Variants in ALMS1 observed in about 807,000 individuals in gnomAD.
ALMS1 encodes the protein ALMS1 centrosome and basal body associated protein.
A neutral mutation model predicts 352.2 loss-of-function variants in ALMS1; 271 were observed. The observed-to-expected ratio is 0.77, with a 90% CI of 0.70 to 0.85. ALMS1 has a LOEUF of 0.85. ALMS1 is among the 40% of genes least tolerant of loss of function. The pLI, the probability that ALMS1 is intolerant of heterozygous loss-of-function variation, is 0.00. For synonymous variants in ALMS1, 1,865 were observed against 1,761.2 expected (o/e 1.06, Z -1.48); for missense variants, 5,445 against 4,870.7 (o/e 1.12, Z -3.51).
chr2:73,607,956 C>G (rs1368218225), intron 21 of ALMS1, among the ~76,000 whole-genome samples: 2 of 152,028 alleles, frequency 1.3e-5, no homozygotes, highest in African/African-American at 4.8e-5. Flanking sequence ...GCCACTGCAC[C>G]CAGCGCTCCT....
intron 6 of ALMS1, among the ~76,000 whole-genome samples, chr2:73,428,395 C>T (rs1305896776): frequency 2.0e-5 from 3 of 151,924 alleles, no homozygotes; most frequent in South Asian, 4.2e-4. Context: ...TTTAACTATT[C>T]TTGGTGAAAC....
chr2:73,529,131 C>T (rs1673855843), intron 11 of ALMS1, among the ~76,000 whole-genome samples: 1 of 148,868 alleles, frequency 6.7e-6, no homozygotes, highest in Admixed American at 6.8e-5. Flanking sequence ...GCAGCCTCTG[C>T]CGCCTGGGTT....
chr2:73,435,529 C>T (rs1671588304), intron 7 of ALMS1, among the ~76,000 whole-genome samples: 2 of 119,966 alleles, frequency 1.7e-5, no homozygotes, highest in South Asian at 3.4e-4. Flanking sequence ...TCCCGTATAG[C>T]TCTATTCCCT....
rs1167345214 is a variant in ALMS1 at position 73,608,367 on chromosome 2, G to A, written c.12363-108G>A. The A allele has an allele frequency of 1.8e-5, 16 of 884,042 alleles. No individual in the cohort carries two copies. The East Asian group carries it at 2.0e-4, about 11-fold the overall frequency. 54.8% of individuals were successfully genotyped at this position (884,042 alleles called of 1,614,324 possible). On this transcript the variant is annotated intron_variant, in intron 21 of 22. Transcript: ENST00000613296. ...CCCAGGGCCTTTCTGAGAGGGATGA[G>A]CTCCTGGAGAGTGGGAGGTATAGGG...
chr2:73,430,409 A>C (rs779365631), intron 6 of ALMS1, among the ~76,000 whole-genome samples: 14 of 152,148 alleles, frequency 9.2e-5, no homozygotes, highest in Admixed American at 2.0e-4. Flanking sequence ...TATATTTTGA[A>C]ACTTTAACAT....
intron 1 of ALMS1, among the ~76,000 whole-genome samples, chr2:73,402,270 C>CTTT (rs61360284): frequency 2.4e-4 from 29 of 122,798 alleles, no homozygotes; most frequent in African/African-American, 5.6e-4. Flanking sequence ...TTCTCTCTCT[C>CTTT]TTTTTTTTTT....
At chr2:73,436,779 C>G (rs971109408) in intron 7 of ALMS1, among the ~76,000 whole-genome samples, 1 of 152,182 alleles carries the variant, frequency 6.6e-6, no homozygotes, top group African/African-American at 2.4e-5. Flanking sequence ...ACTTTGCCAT[C>G]ATACCTATCT....
At chr2:73,485,413 G>T (rs369077239) in intron 9 of ALMS1, among the ~76,000 whole-genome samples, 1 of 152,200 alleles carries the variant, frequency 6.6e-6, no homozygotes, top group Admixed American at 6.5e-5. Flanking sequence ...GGACCCACTT[G>T]AGGAGGCAGT....
intron 2 of ALMS1, among the ~76,000 whole-genome samples, chr2:73,409,389 A>G (rs989004880): frequency 2.0e-5 from 3 of 152,164 alleles, no homozygotes; most frequent in Non-Finnish European, 2.9e-5. Context: ...ATGAGATTAC[A>G]GGCATGAGCC....
intron 10 of ALMS1, among the ~76,000 whole-genome samples, chr2:73,506,849 T>G (rs140399207): frequency 6.6e-6 from 1 of 152,202 alleles, no homozygotes; most frequent in Non-Finnish European, 1.5e-5. Context: ...CATCCTTGCA[T>G]TGTGTCGGTT....
intron 9 of ALMS1, among the ~76,000 whole-genome samples, chr2:73,466,797 C>G (rs981442539): frequency 1.3e-5 from 2 of 151,986 alleles, no homozygotes; most frequent in African/African-American, 4.8e-5. Flanking sequence ...AACAAAAATA[C>G]TAGGACCTTC....
Position 73,453,367 on chromosome 2 carries a change from T to G in ALMS1, c.6840T>G (p.Pro2280=), listed in dbSNP as rs45580837. Reference sequence around the variant, plus strand: ...TGGCACTGAAACGATGCAATTTTCCTGCTCCCCTTGCCCGTTTCAGAGATA... The same window carrying G: ...TGGCACTGAAACGATGCAATTTTCCGGCTCCCCTTGCCCGTTTCAGAGATA... ...ENMALKRCNF[P]APLARFRDIS... is the part of the protein sequence containing the mutation. Residue 2280 remains proline, a synonymous_variant, in exon 8 of 23, where the codon CCT becomes CCG. Transcript: ENST00000613296. 17 of 1,613,956 alleles carry G rather than the reference T, an allele frequency of 1.1e-5. No individual in the cohort carries two copies. In the Admixed American group the frequency reaches 2.5e-4, roughly 24 times the overall value.
intron 9 of ALMS1, among the ~76,000 whole-genome samples, chr2:73,465,839 C>A (rs1672328340): frequency 6.6e-6 from 1 of 152,212 alleles, no homozygotes; most frequent in African/African-American, 2.4e-5. Context: ...TGAACAGACA[C>A]TTCTCAAAAG....
At chr2:73,408,863 T>G (rs13030679) in intron 2 of ALMS1, 116 bp downstream of exon 2, 1 of 544,482 alleles carries the variant, frequency 1.8e-6, no homozygotes. Flanking sequence ...TGTTTTCTTG[T>G]CTTTTTTTTT....
chr2:73,447,842 G>C, intron 7 of ALMS1, 118 bp from the exon 8 acceptor site: 1 of 1,306,610 alleles, frequency 7.7e-7, no homozygotes, highest in Non-Finnish European at 1.0e-6. Flanking sequence ...TTTGATGGCT[G>C]TTTCCTTAGG....
intron 9 of ALMS1, among the ~76,000 whole-genome samples, chr2:73,473,741 A>G (rs1672515891): frequency 6.6e-6 from 1 of 152,134 alleles, no homozygotes; most frequent in Non-Finnish European, 1.5e-5. Context: ...GTACAGTAAC[A>G]AAAATTCTTT....
intron 1 of ALMS1, among the ~76,000 whole-genome samples, chr2:73,388,682 T>C (rs1670586668): frequency 6.6e-6 from 1 of 152,254 alleles, no homozygotes; most frequent in South Asian, 2.1e-4. Flanking sequence ...TATTCCACAA[T>C]GTATATTAAT....
At chr2:73,605,998 A>G (rs1346639834) in intron 21 of ALMS1, among the ~76,000 whole-genome samples, 1 of 152,216 alleles carries the variant, frequency 6.6e-6, no homozygotes, top group African/African-American at 2.4e-5. Flanking sequence ...TTTAATGTAT[A>G]CTTTAACCAG....
At position 73,602,289 on chromosome 2, in the gene ALMS1, G is replaced by C. The variant is rs878854996; in HGVS notation, c.12219G>C (p.Gln4073His). 4.3e-6 allele frequency: 7 copies of C among 1,614,082 alleles called. No homozygotes were observed. Among genetic ancestry groups the C allele is most frequent in the Non-Finnish European group, 5.9e-6 (7 of 1,180,038 alleles). Reference protein sequence around the residue: ...VQERKLQSMLQTERDALFNID... With the variant: ...VQERKLQSMLHTERDALFNID... ...AGAGGAAGCTGCAGAGCATGTTACA[G>C]ACCGAGCGGGATGCACTATTCAACA... Residue 4073 changes from glutamine to histidine, a missense_variant, in exon 20 of 23, where the codon CAG becomes CAC. Physicochemically the swap from Gln to His is conservative, Grantham distance 24 (BLOSUM62 0). Transcript: ENST00000613296.
Sources: gnomAD v4.1 joint callset for allele counts (sites outside exome capture counted in the v4.1 genomes callset) on GRCh38, gnomAD v4.1.1 for gene constraint, MANE v1.5 for transcripts, NCBI Gene and HGNC (gene_info 2026-07-23, HGNC 2026-07-21) for gene names.